ANK3: variants seen among roughly 807,000 people sequenced by gnomAD.
The protein encoded by ANK3 is ankyrin-3.
A neutral mutation model predicts 370.9 loss-of-function variants in ANK3; 57 were observed. That is an observed-to-expected ratio of 0.15 (90% confidence interval 0.12 to 0.19). ANK3 has a LOEUF of 0.19. ANK3 is among the 10% of genes least tolerant of loss of function. The pLI, the probability that ANK3 is intolerant of heterozygous loss-of-function variation, is 1.00. For synonymous variants in ANK3, 1,929 were observed against 1,946.3 expected (o/e 0.99, Z 0.23); for missense variants, 4,439 against 5,302.1 (o/e 0.84, Z 5.06).
At chr10:60,430,186 G>A (rs2063983770) in intron 2 of ANK3, among the ~76,000 whole-genome samples, 1 of 152,200 alleles carries the variant, frequency 6.6e-6, no homozygotes, top group Non-Finnish European at 1.5e-5. Context: ...TGGCTCATAG[G>A]CTTGGAAGTC....
chr10:60,342,656 T>C (rs946775223), intron 1 of ANK3, among the ~76,000 whole-genome samples: 10 of 152,126 alleles, frequency 6.6e-5, no homozygotes, highest in African/African-American at 2.4e-4. Flanking sequence ...AGGATCTCAG[T>C]GAGCAGTGGT....
chr10:60,427,458 A>T (rs933853584), intron 2 of ANK3, among the ~76,000 whole-genome samples: 11 of 152,178 alleles, frequency 7.2e-5, no homozygotes, highest in African/African-American at 2.6e-4. Flanking sequence ...AGAGAAAACC[A>T]GAAAGTGGTT....
Position 60,302,935 on chromosome 10 carries a change from G to A in ANK3, c.115-23296C>T, listed in dbSNP as rs186231555. 6.4e-3 allele frequency among the ~76,000 whole-genome samples: 979 copies of A among 152,178 alleles called. 10 individuals carry two copies. The highest frequency in any genetic ancestry group is 0.023 in the African/African-American group (942 of 41,534). On this transcript the variant is annotated intron_variant, in intron 1 of 43. Transcript: ENST00000280772. Reference sequence around the variant, plus strand: ...GTCTAGTCAATCGAACTTCGGCAAGGGTGCCAAGAATGCACAATGGGCAAA... The same window carrying A: ...GTCTAGTCAATCGAACTTCGGCAAGAGTGCCAAGAATGCACAATGGGCAAA...
chr10:60,642,866 C>T (rs540145707), intron 1 of ANK3, among the ~76,000 whole-genome samples: 6 of 151,722 alleles, frequency 4.0e-5, no homozygotes, highest in Non-Finnish European at 8.8e-5. Context: ...TGCATGTGTC[C>T]AATAACAGAG....
Position 60,069,882 on chromosome 10 carries a change from C to T in ANK3, c.10999G>A (p.Val3667Ile), listed in dbSNP as rs138540912. Residue 3667 changes from valine to isoleucine, a missense_variant, in exon 37 of 44, where the codon GTA becomes ATA. By Grantham distance (29) the Val-to-Ile change is conservative. Transcript: ENST00000280772. ...TPQPQSGDTTVETNLERNVET... is the reference protein window; with the variant it reads ...TPQPQSGDTTIETNLERNVET... ...ACATTTCTCTCTAGATTGGTTTCTA[C>T]AGTGGTGTCCCCTGACTGTGGCTGT... 28 of 1,613,932 alleles carry T rather than the reference C, an allele frequency of 1.7e-5. No individual in the cohort carries two copies. In the African/African-American group the frequency reaches 3.2e-4, roughly 18 times the overall value.
At chr10:60,244,615 T>C (rs1387682484) in intron 7 of ANK3, among the ~76,000 whole-genome samples, 3 of 152,210 alleles carry the variant, frequency 2.0e-5, no homozygotes, top group Admixed American at 6.5e-5. Context: ...CATTTTAAGA[T>C]TTTTATGTTT....
At chr10:60,484,403 AT>A (rs2075299434) in intron 2 of ANK3, among the ~76,000 whole-genome samples, 1 of 152,182 alleles carries the variant, frequency 6.6e-6, no homozygotes, top group African/African-American at 2.4e-5. Flanking sequence ...TCAAAGGATT[AT>A]TTTTTAGATG....
At position 60,712,031 on chromosome 10, in the gene ANK3, G is replaced by A. The variant is rs146820505; in HGVS notation, c.57+21232C>T. On this transcript the variant is annotated intron_variant, in intron 1 of 43. Transcript: ENST00000373827. ...AGACTTTTCTGGACAAAAATTGAGG[G>A]AATATGTCACCAGAAGACCTGCCAT... 3.3e-3 allele frequency among the ~76,000 whole-genome samples: 505 copies of A among 152,224 alleles called. 3 individuals are homozygous for A. Among genetic ancestry groups the A allele is most frequent in the African/African-American group, 0.012 (480 of 41,538 alleles).
In ANK3 at chr10:60,071,419, C is replaced by T. The variant is rs758660497; in HGVS notation, c.9462G>A (p.Glu3154=). ...PQGSPEDDTL[E]QVSFLDSSGK... is the part of the protein sequence containing the mutation. Reference sequence around the variant, plus strand: ...CAGAGCTGTCTAGAAAGGATACTTGCTCTAGAGTATCATCTTCTGGACTAC... The same window carrying T: ...CAGAGCTGTCTAGAAAGGATACTTGTTCTAGAGTATCATCTTCTGGACTAC... The change falls in exon 37 of 44, where the codon GAG becomes GAA. Residue 3154 remains glutamate (E), a synonymous_variant. Coordinates refer to ENST00000280772, the MANE Select transcript of ANK3 (RefSeq NM_020987.5). The T allele has an allele frequency of 5.0e-6, 8 of 1,614,128 alleles. No individual in the cohort carries two copies. Among genetic ancestry groups the T allele is most frequent in the Non-Finnish European group, 6.8e-6 (8 of 1,180,008 alleles).
intron 2 of ANK3, among the ~76,000 whole-genome samples, chr10:60,521,905 C>G (rs2076356347): frequency 6.6e-6 from 1 of 152,086 alleles, no homozygotes; most frequent in Non-Finnish European, 1.5e-5. Flanking sequence ...AACAATGCTT[C>G]TACTTTAGAA....
In ANK3 at chr10:60,270,119, A is replaced by T. The variant is rs369000409; in HGVS notation, c.513+12T>A. 1.5e-5 allele frequency: 23 copies of T among 1,522,514 alleles called. No individual in the cohort carries two copies. The highest frequency in any genetic ancestry group is 1.9e-5 in the Non-Finnish European group (22 of 1,131,734). 94.3% of individuals were successfully genotyped at this position (1,522,514 alleles called of 1,614,324 possible). A position where few individuals can be genotyped will look rare whatever the true frequency, so the allele number is the denominator to read the frequency against. On this transcript the variant is annotated intron_variant, in intron 5 of 43. Coordinates refer to ENST00000280772, the MANE Select transcript of ANK3 (RefSeq NM_020987.5). ...ACGTGAACTCACCCACAGGAAAAAA[A>T]CAGTATCTTACCTCTGTGGCTAGGC... is the stretch of plus-strand genomic sequence containing the variant.
intron 21 of ANK3, among the ~76,000 whole-genome samples, chr10:60,168,022 A>T (rs2095670063): frequency 6.6e-6 from 1 of 152,074 alleles, no homozygotes; most frequent in East Asian, 1.9e-4. Flanking sequence ...TAAAATCTTC[A>T]TTGATAGTAT....
At chr10:60,228,545 A>AAAT (rs1565837748) in intron 8 of ANK3, among the ~76,000 whole-genome samples, 2 of 151,914 alleles carry the variant, frequency 1.3e-5, no homozygotes, top group Non-Finnish European at 1.5e-5. Flanking sequence ...AAAAAAAAAA[A>AAAT]AAAAAGATTT....
intron 4 of ANK3, among the ~76,000 whole-genome samples, chr10:60,275,938 T>C (rs962692399): frequency 3.3e-5 from 5 of 152,194 alleles, no homozygotes; most frequent in African/African-American, 4.8e-5. Context: ...TGTTGATACA[T>C]CTAATATAAA....
chr10:60,377,780 T>C (rs753767607), intron 1 of ANK3, among the ~76,000 whole-genome samples: 2 of 152,228 alleles, frequency 1.3e-5, no homozygotes, highest in Non-Finnish European at 2.9e-5. Flanking sequence ...AGCCTCTGAA[T>C]TTATCAGTAA....
rs1591191737 is a variant in ANK3, at chr10:60,170,130, T to C, written c.2478+2178A>G. Among the ~76,000 whole-genome samples the C allele has an allele frequency of 5.0e-5, 5 of 100,038 alleles. No homozygotes were observed. The South Asian group carries it at 1.1e-3, about 22-fold the overall frequency. 65.6% of individuals were successfully genotyped at this position (100,038 alleles called of 152,430 possible). A position where few individuals can be genotyped will look rare whatever the true frequency, so the allele number is the denominator to read the frequency against. On this transcript the variant is annotated intron_variant, in intron 21 of 43. Transcript: ENST00000280772. The stretch of plus-strand genomic sequence containing the variant: ...TTGGGTATTTTAAACAATGCAGTTT[T>C]GATAGATACAATTCACATCTTTTGA...
chr10:60,117,547 G>A (rs964359977), intron 25 of ANK3, among the ~76,000 whole-genome samples: 3 of 152,232 alleles, frequency 2.0e-5, no homozygotes, highest in African/African-American at 4.8e-5. Context: ...GGTCAGGCAC[G>A]GTGGCTCATG....
At chr10:60,032,506 C>T (rs2073923639) in intron 43 of ANK3, among the ~76,000 whole-genome samples, 1 of 152,046 alleles carries the variant, frequency 6.6e-6, no homozygotes, top group Non-Finnish European at 1.5e-5. Context: ...CTGCGCCTGG[C>T]CTGGCTTGAT....
At chr10:60,041,678 G>A (rs1159202974) in intron 43 of ANK3, among the ~76,000 whole-genome samples, 1 of 152,196 alleles carries the variant, frequency 6.6e-6, no homozygotes, top group Non-Finnish European at 1.5e-5. Context: ...ATGGTCATGT[G>A]AGAAAGTCTC....
Sources: allele counts gnomAD v4.1 joint callset (sites outside exome capture counted in the v4.1 genomes callset), GRCh38; gene constraint gnomAD v4.1.1; transcripts MANE v1.5; gene names NCBI Gene and HGNC (gene_info 2026-07-23, HGNC 2026-07-21).